The following SCLT1 variants were observed in gnomAD, a reference collection of about 807,000 sequenced individuals.
SCLT1 encodes the protein sodium channel and clathrin linker 1.
A neutral mutation model predicts 112.8 loss-of-function variants in SCLT1; 78 were observed. The ratio of observed to expected loss-of-function variants is 0.69; its 90% CI spans 0.58 to 0.83. SCLT1 has a LOEUF of 0.83. SCLT1 is among the 40% of genes least tolerant of loss of function. The probability of loss-of-function intolerance (pLI) is 0.00; values close to 1 mark genes in which losing one functional copy is unlikely to be tolerated. For missense variants in SCLT1, 747 were observed against 770.4 expected (o/e 0.97, Z 0.36); for synonymous variants, 257 against 254.7 (o/e 1.01, Z -0.09).
chr4:129,041,399 T>A (rs1028108534), intron 4 of SCLT1, among the ~76,000 whole-genome samples: 1 of 152,208 alleles, frequency 6.6e-6, no homozygotes, highest in Non-Finnish European at 1.5e-5. Context: ...GAAATAACCT[T>A]GGAAATGAAA....
At chr4:128,966,059 T>C (rs1349764345) in intron 10 of SCLT1, among the ~76,000 whole-genome samples, 2 of 151,746 alleles carry the variant, frequency 1.3e-5, no homozygotes, top group African/African-American at 4.8e-5. Flanking sequence ...CTTGAACTCC[T>C]GACCTCGTGA....
chr4:129,089,909 T>G (rs1256773891), intron 1 of SCLT1, among the ~76,000 whole-genome samples: 1 of 152,160 alleles, frequency 6.6e-6, no homozygotes, highest in East Asian at 1.9e-4. Context: ...AAATACCTAA[T>G]GCAGGTGACG....
At chr4:128,949,283 AG>A (rs942884870) in intron 14 of SCLT1, among the ~76,000 whole-genome samples, 1 of 148,488 alleles carries the variant, frequency 6.7e-6, no homozygotes, top group Non-Finnish European at 1.5e-5. Context: ...TAATCAGTGC[AG>A]GGGGAGGTCA....
chr4:128,992,956 A>T (rs1255435374), intron 8 of SCLT1, among the ~76,000 whole-genome samples: 7 of 151,940 alleles, frequency 4.6e-5, no homozygotes, highest in Non-Finnish European at 5.9e-5. Flanking sequence ...CCTTTTCTTT[A>T]TATATTATGG....
intron 17 of SCLT1, among the ~76,000 whole-genome samples, chr4:128,938,924 G>A (rs1737442378): frequency 6.6e-6 from 1 of 152,192 alleles, no homozygotes; most frequent in Non-Finnish European, 1.5e-5. Flanking sequence ...GGCAGTGGCA[G>A]TGAGCCAAGA....
intron 5 of SCLT1, among the ~76,000 whole-genome samples, chr4:129,018,901 A>G (rs964653779): frequency 2.0e-5 from 3 of 152,170 alleles, no homozygotes; most frequent in African/African-American, 7.2e-5. Context: ...CTTAGTGTTG[A>G]CTATTTTGCT....
intron 13 of SCLT1, among the ~76,000 whole-genome samples, chr4:128,955,332 C>T (rs546309997): frequency 3.9e-5 from 6 of 152,016 alleles, no homozygotes; most frequent in African/African-American, 9.6e-5. Context: ...ATTTATAAAC[C>T]AAATAGTAAG....
rs1394666447 is a variant in SCLT1, at chr4:128,943,055, T to C, written c.1573A>G (p.Lys525Glu). The change falls in exon 17 of 21, where the codon AAA becomes GAA. Residue 525 changes from lysine to glutamate, a missense_variant. By Grantham distance (56) the Lys-to-Glu change is moderately conservative (BLOSUM62 1). This residue lies in a region of SCLT1 where 723 missense variants were observed against 721.3 expected (regional missense o/e 1.00). Transcript: ENST00000281142. ...KLQQENKQLRKETESLRKIAL... is the reference protein window; with the variant it reads ...KLQQENKQLREETESLRKIAL... ...ATCTTCCTTAAACTCTCAGTCTCTT[T>C]CCGTAACTGTTTATTTTCTTGCTGA... 1 of 1,613,374 alleles carries C rather than the reference T, an allele frequency of 6.2e-7. No homozygotes were observed. Among genetic ancestry groups the C allele is most frequent in the East Asian group, 2.2e-5 (1 of 44,822 alleles).
At chr4:129,005,125 G>T (rs1048960126) in intron 5 of SCLT1, among the ~76,000 whole-genome samples, 5 of 151,850 alleles carry the variant, frequency 3.3e-5, no homozygotes, top group Admixed American at 2.6e-4. Flanking sequence ...ATACTGTATT[G>T]CTAATACTAT....
chr4:128,967,967 C>T (rs1394855395), intron 10 of SCLT1, among the ~76,000 whole-genome samples: 1 of 152,106 alleles, frequency 6.6e-6, no homozygotes, highest in Non-Finnish European at 1.5e-5. Context: ...TTGATGAGAA[C>T]TTAGCCATTA....
At chr4:128,913,386 A>G (rs1735242102) in intron 18 of SCLT1, among the ~76,000 whole-genome samples, 1 of 152,214 alleles carries the variant, frequency 6.6e-6, no homozygotes, top group Non-Finnish European at 1.5e-5. Context: ...TTCTCAGTGA[A>G]ACAGGAATTG....
chr4:128,948,642 T>G, intron 14 of SCLT1, 72 bp from the exon 15 acceptor site: 1 of 1,120,486 alleles, frequency 8.9e-7, no homozygotes, highest in Non-Finnish European at 1.3e-6. Flanking sequence ...AAAATTATAA[T>G]TTGTTCATAA....
At chr4:128,883,163 A>ACAAC (rs1732684806), downstream of SCLT1, among the ~76,000 whole-genome samples, 4 of 150,682 alleles carry the variant, frequency 2.7e-5, no homozygotes, top group African/African-American at 9.8e-5. Context: ...ACAACAAAAA[A>ACAAC]AAAAAAAAAA....
At chr4:128,975,466 A>G (rs1165973251) in intron 9 of SCLT1, among the ~76,000 whole-genome samples, 1 of 152,208 alleles carries the variant, frequency 6.6e-6, no homozygotes, top group Non-Finnish European at 1.5e-5. Flanking sequence ...TTAATTATCA[A>G]TACACTTTTT....
At chr4:128,927,933 ATGC>A (rs1736429821) in intron 18 of SCLT1, among the ~76,000 whole-genome samples, 1 of 152,114 alleles carries the variant, frequency 6.6e-6, no homozygotes, top group Non-Finnish European at 1.5e-5. Flanking sequence ...AGTATTACAG[ATGC>A]TGCAGACATT....
intron 2 of SCLT1, among the ~76,000 whole-genome samples, chr4:129,070,120 T>G (rs951977523): frequency 6.6e-6 from 1 of 152,188 alleles, no homozygotes; most frequent in Admixed American, 6.5e-5. Context: ...TTAATCATAG[T>G]GGATTATCTT....
At position 128,999,793 on chromosome 4, in the gene SCLT1, T is replaced by A. The variant is rs1338538846; in HGVS notation, c.428A>T (p.Glu143Val). The A allele has an allele frequency of 6.3e-7, 1 of 1,594,440 alleles. No homozygotes were observed. The highest frequency in any genetic ancestry group is 8.5e-7 in the Non-Finnish European group (1 of 1,171,426). ...LQEQLQLANQEKTQAVELWQT... is the reference protein window; with the variant it reads ...LQEQLQLANQVKTQAVELWQT... ...CCAGAGTTCCACAGCCTGAGTTTTT[T>A]CCTATTAAAAAAGTTTGATAACTCA... The change falls in exon 7 of 21, where the codon GAA becomes GTA. Residue 143 changes from glutamate to valine, a missense_variant and splice_region_variant. Around this residue, in one of 2 missense-constraint regions of SCLT1, gnomAD observed 723 missense variants for 721.3 expected, o/e 1.00. Coordinates refer to ENST00000281142, the MANE Select transcript of SCLT1 (RefSeq NM_144643.4).
chr4:128,934,639 T>C (rs1737040011), intron 18 of SCLT1, among the ~76,000 whole-genome samples: 1 of 151,952 alleles, frequency 6.6e-6, no homozygotes, highest in African/African-American at 2.4e-5. Context: ...TTTTAAAGTT[T>C]TATTTTTGAA....
chr4:128,889,618 T>A (rs149020536), intron 19 of SCLT1, among the ~76,000 whole-genome samples: 34 of 152,314 alleles, frequency 2.2e-4, no homozygotes, highest in African/African-American at 7.9e-4. Context: ...TATACAGGCA[T>A]CATGAATACA....
Sources: allele counts gnomAD v4.1 joint callset (sites outside exome capture counted in the v4.1 genomes callset), GRCh38; gene constraint gnomAD v4.1.1; regional missense constraint gnomAD v4.1.1; transcripts MANE v1.5; gene names NCBI Gene and HGNC (gene_info 2026-07-23, HGNC 2026-07-21).